Variants in SAMD5 observed in about 807,000 individuals in gnomAD.
SAMD5 encodes sterile alpha motif domain containing 5.
A neutral mutation model predicts 11.3 loss-of-function variants in SAMD5; 13 were observed. That is an observed-to-expected ratio of 1.15 (90% CI 0.75 to 1.83). The LOEUF (loss-of-function observed/expected upper bound fraction) is 1.83, where lower values mean the gene tolerates loss of function less well. SAMD5 is among the 40% of genes most tolerant of loss of function. The pLI, the probability that SAMD5 is intolerant of heterozygous loss-of-function variation, is 0.00. For missense variants in SAMD5, 255 were observed against 239.1 expected (o/e 1.07, Z -0.44); for synonymous variants, 129 against 111.3 (o/e 1.16, Z -1.00).
intron 1 of SAMD5, among the ~76,000 whole-genome samples, chr6:147,658,920 C>T (rs915917967): frequency 6.6e-6 from 1 of 152,130 alleles, no homozygotes; most frequent in Non-Finnish European, 1.5e-5. Context: ...AGGAAACAGG[C>T]ACAGAGATAT....
chr6:147,644,015 T>C (rs759810365), intron 1 of SAMD5, among the ~76,000 whole-genome samples: 2 of 152,144 alleles, frequency 1.3e-5, no homozygotes, highest in African/African-American at 2.4e-5. Context: ...GGAAAATTGG[T>C]ACGTTATTTG....
the SAMD5 span, among the ~76,000 whole-genome samples, chr6:147,812,532 C>T: frequency 6.6e-6 from 1 of 152,030 alleles, no homozygotes; most frequent in Admixed American, 6.5e-5. Context: ...AGTAGGCAAT[C>T]TAGTTTTTTT....
chr6:147,521,670 C>T (rs1020908905), intron 1 of SAMD5, among the ~76,000 whole-genome samples: 4 of 152,046 alleles, frequency 2.6e-5, no homozygotes, highest in African/African-American at 9.7e-5. Context: ...TAAAGGGCCT[C>T]ATATAATGCC....
At position 147,628,593 on chromosome 6, in the gene SAMD5, A is replaced by G. The variant is rs370489510; in HGVS notation, c.163-108724A>G. Among the ~76,000 whole-genome samples, 69 of 152,362 alleles carry G rather than the reference A, an allele frequency of 4.5e-4. 1 individual carries two copies. The highest frequency in any genetic ancestry group is 1.6e-3 in the African/African-American group (67 of 41,588). On this transcript the variant is annotated intron_variant, in intron 1 of 1. Coordinates refer to the SAMD5 transcript ENST00000566741. ...TCAGAGGTTATCTTGATATTCTCAT[A>G]GAAAATAGAGAAATTTGGCCTAAAT... is the stretch of plus-strand genomic sequence containing the variant.
the SAMD5 span, among the ~76,000 whole-genome samples, chr6:147,773,662 G>A: frequency 2.6e-5 from 4 of 152,136 alleles, no homozygotes; most frequent in African/African-American, 9.7e-5. Flanking sequence ...TTTTATGTCA[G>A]CACTAATCCC....
the SAMD5 span, among the ~76,000 whole-genome samples, chr6:147,830,231 TTTTCTTTC>T: frequency 2.4e-4 from 35 of 148,636 alleles, no homozygotes; most frequent in South Asian, 5.2e-3. Context: ...CCAATAAGCT[TTTTCTTTC>T]TTTCTTTCTT....
intron 1 of SAMD5, among the ~76,000 whole-genome samples, chr6:147,636,477 A>C (rs911115130): frequency 6.6e-6 from 1 of 152,232 alleles, no homozygotes; most frequent in African/African-American, 2.4e-5. Context: ...AGACGCATGC[A>C]TGAAACTGTA....
At chr6:147,866,857 A>T in the SAMD5 span, among the ~76,000 whole-genome samples, 1 of 152,168 alleles carries the variant, frequency 6.6e-6, no homozygotes, top group African/African-American at 2.4e-5. Context: ...CATTCTATCC[A>T]TGTGATTCTG....
At chr6:147,551,811 G>GTT (rs202018610) in intron 1 of SAMD5, among the ~76,000 whole-genome samples, 4 of 48,836 alleles carry the variant, frequency 8.2e-5, no homozygotes, top group African/African-American at 5.3e-4. Context: ...TTATATATAT[G>GTT]TTATATATAT....
the SAMD5 span, among the ~76,000 whole-genome samples, chr6:147,865,582 T>C: frequency 1.3e-5 from 2 of 152,172 alleles, no homozygotes; most frequent in African/African-American, 4.8e-5. Context: ...AATTAATGAA[T>C]GCATGAATGA....
At chr6:147,870,006 C>T in the SAMD5 span, among the ~76,000 whole-genome samples, 13 of 152,238 alleles carry the variant, frequency 8.5e-5, no homozygotes, top group South Asian at 1.2e-3. Flanking sequence ...TGAGCCACCA[C>T]GCCCGGCCAA....
At chr6:147,670,015 A>G (rs958045850) in intron 1 of SAMD5, among the ~76,000 whole-genome samples, 1 of 152,196 alleles carries the variant, frequency 6.6e-6, no homozygotes, top group Non-Finnish European at 1.5e-5. Context: ...TGTTTCTTAA[A>G]TAAGACTTGA....
chr6:147,552,953 A>G (rs767977820), intron 1 of SAMD5, among the ~76,000 whole-genome samples: 8 of 152,202 alleles, frequency 5.3e-5, no homozygotes, highest in South Asian at 2.1e-4. Flanking sequence ...CTGAACATCC[A>G]TTATGTTTTT....
At chr6:147,679,952 A>G (rs73011944) in intron 1 of SAMD5, among the ~76,000 whole-genome samples, 17,446 of 151,928 alleles carry the variant, frequency 0.11, 1,098 homozygotes, top group Middle Eastern at 0.16. Context: ...ACTTTGTTCC[A>G]TTAATTTATT....
the SAMD5 span, among the ~76,000 whole-genome samples, chr6:147,896,756 A>ACAAAAAACAAACAAAC: frequency 1.2e-5 from 1 of 82,904 alleles, no homozygotes; most frequent in African/African-American, 1.2e-4. Flanking sequence ...AAAAAAAAAA[A>ACAAAAAACAAACAAAC]AAAAAAACGC....
At chr6:147,590,856 T>C (rs1236155700) in intron 1 of SAMD5, among the ~76,000 whole-genome samples, 1 of 152,238 alleles carries the variant, frequency 6.6e-6, no homozygotes, top group East Asian at 1.9e-4. Context: ...TGTTTTCCTG[T>C]AAGAAGTAAC....
chr6:147,940,691 A>C, the SAMD5 span, among the ~76,000 whole-genome samples: 1 of 152,214 alleles, frequency 6.6e-6, no homozygotes, highest in African/African-American at 2.4e-5. Flanking sequence ...GGCCAGGCAC[A>C]GCGGCTCACA....
At chr6:147,603,322 G>A (rs978139848) in intron 1 of SAMD5, among the ~76,000 whole-genome samples, 2 of 152,156 alleles carry the variant, frequency 1.3e-5, no homozygotes, top group Non-Finnish European at 2.9e-5. Context: ...TAATTTTTCT[G>A]AGCATGGAGG....
At chr6:147,918,867 G>C in the SAMD5 span, among the ~76,000 whole-genome samples, 4 of 151,950 alleles carry the variant, frequency 2.6e-5, no homozygotes, top group South Asian at 6.2e-4. Context: ...ACCACACTCA[G>C]CTAATTTTTT....
Sources: allele counts gnomAD v4.1 joint callset (sites outside exome capture counted in the v4.1 genomes callset), GRCh38; gene constraint gnomAD v4.1.1; transcripts MANE v1.5; gene names NCBI Gene and HGNC (gene_info 2026-07-23, HGNC 2026-07-21).